The following PPM1B variants were observed in gnomAD, a reference collection of about 807,000 sequenced individuals.
The protein encoded by PPM1B is protein phosphatase 1B.
In PPM1B, 22 loss-of-function variants were observed where a neutral mutation model predicts 43.0. The observed-to-expected ratio is 0.51, with a 90% CI of 0.37 to 0.73. The LOEUF (loss-of-function observed/expected upper bound fraction) is 0.73, where lower values mean the gene tolerates loss of function less well. PPM1B is among the 30% of genes least tolerant of loss of function. The pLI is 0.00. For missense variants in PPM1B, 632 were observed against 584.2 expected (o/e 1.08, Z -0.84); for synonymous variants, 217 against 197.9 (o/e 1.10, Z -0.81).
intron 5 of PPM1B, among the ~76,000 whole-genome samples, chr2:44,242,959 AAAG>A (rs1449266000): frequency 3.9e-5 from 6 of 152,184 alleles, no homozygotes; most frequent in African/African-American, 1.4e-4. Context: ...GTTTTTAAGG[AAAG>A]ATATTCACAG....
At chr2:44,199,316 A>T (rs1298428721) in intron 1 of PPM1B, among the ~76,000 whole-genome samples, 7 of 98,240 alleles carry the variant, frequency 7.1e-5, no homozygotes, top group East Asian at 5.3e-4. Context: ...AAAAAAAAAA[A>T]ATAAAAATAA....
At position 44,201,856 on chromosome 2, in the gene PPM1B, T is replaced by A; in HGVS notation, c.657T>A (p.Leu219=). The change falls in exon 2 of 6, where the codon CTT becomes CTA. Residue 219 remains leucine, a synonymous_variant. Transcript: ENST00000282412. The surrounding 1 kb of genome is among the most constrained non-coding windows in gnomAD (Gnocchi z 5.4). The part of the protein sequence containing the change: ...CVDGKGPTEQ[L]VSPEPEVYEI... ...ATGGCAAGGGCCCAACAGAACAACT[T>A]GTTTCTCCAGAGCCTGAGGTTTATG... The A allele has an allele frequency of 1.9e-6, 3 of 1,614,184 alleles. No individual in the cohort carries two copies. Among genetic ancestry groups the A allele is most frequent in the Non-Finnish European group, 2.5e-6 (3 of 1,180,012 alleles).
At chr2:44,220,147 G>C (rs976483095) in intron 5 of PPM1B, among the ~76,000 whole-genome samples, 11 of 151,964 alleles carry the variant, frequency 7.2e-5, no homozygotes, top group Non-Finnish European at 1.5e-4. Context: ...CCACTACCTT[G>C]ATTAGAGGAA....
chr2:44,229,950 T>C, intron 5 of PPM1B: 1 of 1,473,040 alleles, frequency 6.8e-7, no homozygotes, highest in Non-Finnish European at 9.2e-7. Flanking sequence ...AAAATCTGTT[T>C]AAATCTATAT....
intron 1 of PPM1B, among the ~76,000 whole-genome samples, chr2:44,173,342 TAACATCC>T (rs746335925): frequency 9.2e-5 from 14 of 152,224 alleles, no homozygotes; most frequent in Non-Finnish European, 1.6e-4. Flanking sequence ...TAGTAACATA[TAACATCC>T]TAGGAAACAT....
chr2:44,230,499 C>T lies in PPM1B; in HGVS notation c.1221C>T (p.Tyr407=), dbSNP rs767365599. 2 of 1,613,952 alleles carry T rather than the reference C, an allele frequency of 1.2e-6. No individual in the cohort carries two copies. Among genetic ancestry groups the T allele is most frequent in the African/African-American group, 2.7e-5 (2 of 74,902 alleles). Residue 407 remains tyrosine (Y), a synonymous_variant, in exon 6 of 6, where the codon TAC becomes TAT. Coordinates refer to ENST00000282412, the MANE Select transcript of PPM1B (RefSeq NM_002706.6). ...RQMRINHRGN[Y]RQLLEEMLTS... The stretch of plus-strand genomic sequence containing the variant: ...TGAGAATTAATCATAGGGGAAACTA[C>T]CGACAACTTCTGGAGGAGATGCTGA...
At chr2:44,218,162 A>G in intron 4 of PPM1B, 84 bp downstream of exon 4, 3 of 1,007,186 alleles carry the variant, frequency 3.0e-6, no homozygotes, top group African/African-American at 1.6e-5. Context: ...AATCAGAAGT[A>G]CATCAATTAT....
intron 1 of PPM1B, among the ~76,000 whole-genome samples, chr2:44,178,452 G>GTGTGTGTGTATA (rs1275077005): frequency 1.5e-5 from 2 of 135,700 alleles, no homozygotes; most frequent in African/African-American, 5.5e-5. Context: ...TTTTATATAT[G>GTGTGTGTGTATA]TATATATATA....
chr2:44,197,255 G>T (rs756501022), intron 1 of PPM1B, among the ~76,000 whole-genome samples: 12 of 152,012 alleles, frequency 7.9e-5, no homozygotes, highest in Admixed American at 2.6e-4. Flanking sequence ...GAGTAACCCA[G>T]GCTACAGCCG....
At chr2:44,191,092 G>A (rs375753459) in intron 1 of PPM1B, among the ~76,000 whole-genome samples, 15 of 152,340 alleles carry the variant, frequency 9.8e-5, no homozygotes, top group Middle Eastern at 3.4e-3. Flanking sequence ...TTCCCTAGAA[G>A]TAAGTACTAT....
At chr2:44,214,596 G>A (rs765359395) in intron 3 of PPM1B, among the ~76,000 whole-genome samples, 48 of 152,102 alleles carry the variant, frequency 3.2e-4, no homozygotes, top group Non-Finnish European at 5.1e-4. Flanking sequence ...CTTGAAGGGA[G>A]TGTCAGTGGA....
chr2:44,238,192 C>T (rs1670669270), downstream of PPM1B, among the ~76,000 whole-genome samples: 2 of 151,912 alleles, frequency 1.3e-5, no homozygotes, highest in Admixed American at 6.6e-5. Context: ...CGTGACCCAC[C>T]GCACCCAGCC....
intron 4 of PPM1B, 35 bp downstream of exon 4, chr2:44,218,113 C>G: frequency 1.4e-6 from 2 of 1,434,430 alleles, no homozygotes; most frequent in South Asian, 2.3e-5. Flanking sequence ...TGAGTTCGTT[C>G]ATAATTAGTA....
At position 44,179,284 on chromosome 2, in the gene PPM1B, G is replaced by A. The variant is rs568101958; in HGVS notation, c.-15+10010G>A. On this transcript the variant is annotated intron_variant, in intron 1 of 5. Transcript: ENST00000282412. ...CTCTCTTTCTTTTGTAAATTGCACA[G>A]TCTTGGGTATGTCTTTATCTGCAGT... Among the ~76,000 whole-genome samples, 4 of 152,320 alleles carry A rather than the reference G, an allele frequency of 2.6e-5. No homozygotes were observed. The East Asian group carries it at 5.8e-4, about 22-fold the overall frequency.
intron 3 of PPM1B, among the ~76,000 whole-genome samples, chr2:44,209,729 A>C (rs1669367917): frequency 6.7e-6 from 1 of 150,242 alleles, no homozygotes; most frequent in Non-Finnish European, 1.5e-5. Context: ...GTGAGCCGAG[A>C]TTGCACCACT....
chr2:44,213,524 A>G (rs145007605), intron 3 of PPM1B, among the ~76,000 whole-genome samples: 1 of 152,204 alleles, frequency 6.6e-6, no homozygotes, highest in African/African-American at 2.4e-5. Flanking sequence ...GATTTCTAAT[A>G]TGTAATTACA....
intron 1 of PPM1B, among the ~76,000 whole-genome samples, chr2:44,169,794 T>A (rs1484587643): frequency 6.6e-6 from 1 of 152,240 alleles, no homozygotes; most frequent in Non-Finnish European, 1.5e-5. Context: ...TTAGTGGCTT[T>A]AAATTGTGTG....
chr2:44,202,071 A>G (rs770202907), intron 2 of PPM1B, 26 bp downstream of exon 2: 2 of 1,480,402 alleles, frequency 1.4e-6, no homozygotes, highest in Non-Finnish European at 1.8e-6. Flanking sequence ...TGTCATTAAA[A>G]TAACATGTTA....
At chr2:44,238,710 GAA>G (rs200252877), downstream of PPM1B, among the ~76,000 whole-genome samples, 2 of 139,360 alleles carry the variant, frequency 1.4e-5, no homozygotes, top group Non-Finnish European at 3.2e-5. Context: ...TCAAAAAAAG[GAA>G]AAAAAAAAAC....
Sources: allele counts gnomAD v4.1 joint callset (sites outside exome capture counted in the v4.1 genomes callset), GRCh38; gene constraint gnomAD v4.1.1; non-coding constraint Gnocchi (gnomAD v3.1); transcripts MANE v1.5; gene names NCBI Gene and HGNC (gene_info 2026-07-23, HGNC 2026-07-21).